Variants in RNF10 observed in about 807,000 individuals in gnomAD.
The protein encoded by RNF10 is E3 ubiquitin-protein ligase RNF10.
In RNF10, 38 loss-of-function variants were observed where a neutral mutation model predicts 91.4. The ratio of observed to expected loss-of-function variants is 0.42; its 90% CI spans 0.32 to 0.54. The LOEUF is 0.54. Among genes scored for constraint, RNF10 ranks in the 20% least tolerant of loss-of-function variants. The probability of loss-of-function intolerance (pLI) is 0.16; values close to 1 mark genes in which losing one functional copy is unlikely to be tolerated. For synonymous variants in RNF10, 364 were observed against 366.3 expected, an observed-to-expected ratio of 0.99 and a Z score of 0.07; for missense variants, 945 against 1,012.0, an observed-to-expected ratio of 0.93 and a Z score of 0.90.
chr12:120,542,760 C>T (rs1039017853), intron 1 of RNF10, among the ~76,000 whole-genome samples: 3 of 152,212 alleles, frequency 2.0e-5, no homozygotes, highest in African/African-American at 7.2e-5. Flanking sequence ...ACCATGTTGG[C>T]CAGGCTGGTC....
intron 1 of RNF10, among the ~76,000 whole-genome samples, chr12:120,542,156 G>T (rs927214236): frequency 1.1e-4 from 16 of 152,088 alleles, no homozygotes; most frequent in Admixed American, 7.2e-4. Flanking sequence ...GTGAGCCACC[G>T]TGCCTGGCCT....
Position 120,560,929 on chromosome 12 carries a change from G to A in RNF10, c.1128+43G>A, listed in dbSNP as rs532645060. The A allele has an allele frequency of 4.8e-5, 77 of 1,587,778 alleles. 1 individual carries two copies. The South Asian group carries it at 5.8e-4, about 12-fold the overall frequency. On this transcript the variant is annotated intron_variant, in intron 7 of 16. Coordinates refer to ENST00000325954, the MANE Select transcript of RNF10 (RefSeq NM_014868.5). Reference sequence around the variant, plus strand: ...AGATGCTAAACCTTTTCACTTTCTCGGCGTTCTGTGGTGAAAACCAGAAAT... The same window carrying A: ...AGATGCTAAACCTTTTCACTTTCTCAGCGTTCTGTGGTGAAAACCAGAAAT...
intron 10 of RNF10, 78 bp downstream of exon 10, chr12:120,564,021 A>G (rs542387912): frequency 5.8e-6 from 9 of 1,545,022 alleles, no homozygotes; most frequent in South Asian, 5.6e-5. Context: ...AGCCATCCTA[A>G]GTTCACAAAC....
In RNF10 at chr12:120,534,976, C is replaced by G. The variant is rs753607127; in HGVS notation, c.157+8C>G. On this transcript the variant is annotated splice_region_variant and intron_variant, in intron 1 of 16. Transcript: ENST00000325954. ...AGTCTAAACCCAAGAGCGGTAAGGA[C>G]GGGCCTGCGGCAGTGGGCGGGGGCG... The G allele has an allele frequency of 2.5e-6, 4 of 1,588,286 alleles. No homozygotes were observed. Among genetic ancestry groups the G allele is most frequent in the South Asian group, 1.1e-5 (1 of 89,750 alleles).
chr12:120,575,535 T>C, intron 14 of RNF10, 96 bp from the exon 15 acceptor site: 1 of 1,303,980 alleles, frequency 7.7e-7, no homozygotes, highest in Admixed American at 1.8e-5. Flanking sequence ...AGGTGATAGT[T>C]GGTTCTGTGC....
At position 120,576,758 on chromosome 12, in the gene RNF10, T is replaced by C; in HGVS notation, c.*92T>C. The C allele has an allele frequency of 6.4e-7, 1 of 1,558,352 alleles. No individual in the cohort carries two copies. Among genetic ancestry groups the C allele is most frequent in the Non-Finnish European group, 8.7e-7 (1 of 1,151,634 alleles). ...GTTTGGCTGCTGTAATTTTTAAGTA[T>C]TTGAGTTTGAACAGATTAGCTCTGG... On this transcript the variant is annotated 3_prime_UTR_variant, in exon 17 of 17. Coordinates refer to ENST00000325954, the MANE Select transcript of RNF10 (RefSeq NM_014868.5).
chr12:120,536,335 G>A (rs1216343995), intron 1 of RNF10, among the ~76,000 whole-genome samples: 1 of 152,100 alleles, frequency 6.6e-6, no homozygotes, highest in African/African-American at 2.4e-5. Context: ...AAGGTGGGAG[G>A]ATCGCTTAAG....
At chr12:120,540,854 CTTTTT>C (rs34034209) in intron 1 of RNF10, among the ~76,000 whole-genome samples, 9 of 137,578 alleles carry the variant, frequency 6.5e-5, no homozygotes, top group Non-Finnish European at 7.9e-5. Flanking sequence ...AGTTTACTTT[CTTTTT>C]TTTTTTTTTT....
intron 3 of RNF10, among the ~76,000 whole-genome samples, chr12:120,554,171 C>T (rs1873620941): frequency 6.6e-6 from 1 of 152,140 alleles, no homozygotes; most frequent in African/African-American, 2.4e-5. Context: ...TCCCAAAGTG[C>T]TGGGATTACA....
At chr12:120,566,252 C>CAG (rs1470623095) in intron 12 of RNF10, among the ~76,000 whole-genome samples, 3 of 152,214 alleles carry the variant, frequency 2.0e-5, no homozygotes, top group Non-Finnish European at 2.9e-5. Context: ...TTTTTGTTTT[C>CAG]ACCTTTTTAT....
chr12:120,534,913 A>G lies in RNF10; in HGVS notation c.102A>G (p.Gln34=), dbSNP rs1281924669. The part of the protein sequence containing the change: ...SSASSGSSKG[Q]QPPRSASAGP... The stretch of plus-strand genomic sequence containing the variant: ...CCTCTTCGGGCAGCAGCAAAGGGCA[A>G]CAGCCGCCCCGCTCCGCCTCGGCGG... The change falls in exon 1 of 17, where the codon CAA becomes CAG. Residue 34 remains glutamine (Q), a synonymous_variant. Transcript: ENST00000325954. 3.1e-6 allele frequency: 5 copies of G among 1,606,902 alleles called. No individual in the cohort carries two copies. Among genetic ancestry groups the G allele is most frequent in the East Asian group, 2.2e-5 (1 of 44,764 alleles).
chr12:120,576,506 C>G lies in RNF10; in HGVS notation c.2360-84C>G, dbSNP rs535136311. 1.8e-5 allele frequency: 27 copies of G among 1,534,758 alleles called. No individual in the cohort carries two copies. The East Asian group carries it at 2.1e-4, about 12-fold the overall frequency. On this transcript the variant is annotated intron_variant, in intron 16 of 16. Coordinates refer to ENST00000325954, the MANE Select transcript of RNF10 (RefSeq NM_014868.5). ...CCAGAGCCTCCACTCTTAGCTCCCACTCTGTGACTCTCAGTAATGAAAACT... is the reference window on the plus strand; with the variant it reads ...CCAGAGCCTCCACTCTTAGCTCCCAGTCTGTGACTCTCAGTAATGAAAACT...
chr12:120,576,068 A>G (rs1877352534), intron 16 of RNF10, 118 bp downstream of exon 16: 3 of 1,005,854 alleles, frequency 3.0e-6, no homozygotes, highest in African/African-American at 1.6e-5. Flanking sequence ...TGAACCCTTC[A>G]GCACACTCTA....
intron 14 of RNF10, among the ~76,000 whole-genome samples, chr12:120,573,714 C>T (rs1876995899): frequency 1.3e-5 from 2 of 152,196 alleles, no homozygotes; most frequent in South Asian, 2.1e-4. Context: ...GAAGAGATCA[C>T]ATGGCTAAAG....
chr12:120,556,769 A>G (rs150527064), intron 4 of RNF10, among the ~76,000 whole-genome samples: 2 of 152,040 alleles, frequency 1.3e-5, no homozygotes, highest in Non-Finnish European at 2.9e-5. Context: ...ACTTTTTTCT[A>G]TTTAATGTAG....
intron 2 of RNF10, among the ~76,000 whole-genome samples, chr12:120,547,513 T>A (rs994322512): frequency 2.0e-5 from 3 of 152,194 alleles, no homozygotes; most frequent in Admixed American, 2.0e-4. Flanking sequence ...AGGCTGCTCT[T>A]GAACTCCTGG....
intron 2 of RNF10, among the ~76,000 whole-genome samples, chr12:120,548,474 G>C (rs890544460): frequency 6.6e-6 from 1 of 152,108 alleles, no homozygotes; most frequent in Admixed American, 6.6e-5. Flanking sequence ...GTTGCTGATA[G>C]GTTAAGAATA....
chr12:120,569,457 G>A (rs1876265426), intron 13 of RNF10, among the ~76,000 whole-genome samples: 2 of 151,718 alleles, frequency 1.3e-5, no homozygotes, highest in Admixed American at 1.3e-4. Flanking sequence ...CTGCACTACT[G>A]TGACGCTCTT....
At chr12:120,573,946 C>G (rs139332694) in intron 14 of RNF10, among the ~76,000 whole-genome samples, 1 of 152,296 alleles carries the variant, frequency 6.6e-6, no homozygotes, top group African/African-American at 2.4e-5. Context: ...GCAGACATCA[C>G]TCATCAGCTC....
Sources: gnomAD v4.1 joint callset for allele counts (sites outside exome capture counted in the v4.1 genomes callset) on GRCh38, gnomAD v4.1.1 for gene constraint, MANE v1.5 for transcripts, NCBI Gene and HGNC (gene_info 2026-07-23, HGNC 2026-07-21) for gene names.